Variants in PCDHA6 observed in about 807,000 individuals in gnomAD.
The protein encoded by PCDHA6 is protocadherin alpha 6.
In PCDHA6, 55 loss-of-function variants were observed where a neutral mutation model predicts 60.3. That is an observed-to-expected ratio of 0.91 (90% CI 0.73 to 1.14). The LOEUF (loss-of-function observed/expected upper bound fraction) is 1.14, where lower values mean the gene tolerates loss of function less well. Ranked by LOEUF, PCDHA6 falls within the 50% of genes most tolerant of loss-of-function variation. The pLI is 0.00. For synonymous variants in PCDHA6, 652 were observed against 557.9 expected, an observed-to-expected ratio of 1.17 and a Z score of -2.38; for missense variants, 1,327 against 1,256.5, an observed-to-expected ratio of 1.06 and a Z score of -0.85.
At chr5:140,963,159 C>T (rs971538193) in intron 1 of PCDHA6, among the ~76,000 whole-genome samples, 14 of 151,752 alleles carry the variant, frequency 9.2e-5, no homozygotes, top group Non-Finnish European at 1.9e-4. Flanking sequence ...AAAAATGACA[C>T]ATGCCATCTT....
intron 3 of PCDHA6, among the ~76,000 whole-genome samples, chr5:141,009,383 C>T (rs2098407441): frequency 6.6e-6 from 1 of 152,198 alleles, no homozygotes; most frequent in African/African-American, 2.4e-5. Flanking sequence ...TGATTGAGCA[C>T]AGGAGGTCGA....
intron 1 of PCDHA6, chr5:140,928,484 G>A (rs1371678688): frequency 1.5e-5 from 25 of 1,614,026 alleles, no homozygotes; most frequent in African/African-American, 4.0e-5. Context: ...CGGGATGGTG[G>A]CATTCCTCCC....
chr5:140,892,087 T>G (rs2063378040), intron 1 of PCDHA6, among the ~76,000 whole-genome samples: 1 of 152,226 alleles, frequency 6.6e-6, no homozygotes, highest in East Asian at 1.9e-4. Context: ...TAGTTTCCTC[T>G]CGAAACTTTC....
At chr5:140,861,509 G>T in intron 1 of PCDHA6, 1 of 479,910 alleles carries the variant, frequency 2.1e-6, no homozygotes, top group Non-Finnish European at 4.3e-6. Context: ...ACCTCGAGGA[G>T]CTGTGTGGGA....
intron 1 of PCDHA6, chr5:140,863,121 G>C (rs1554157790): frequency 1.7e-6 from 1 of 592,122 alleles, no homozygotes; most frequent in South Asian, 1.4e-5. Flanking sequence ...CGAAAGCTAC[G>C]CGCCACCGCC....
At position 140,993,463 on chromosome 5, in the gene PCDHA6, CA is replaced by C. The variant is rs1563591979; in HGVS notation, c.2542+10901del. ...ATTCCTGTTCTCCTTCTTTCTTTCTCACACACACACACACACACACACACAC... is the reference window on the plus strand; with the variant it reads ...ATTCCTGTTCTCCTTCTTTCTTTCTCCACACACACACACACACACACACAC... On this transcript the variant is annotated intron_variant, in intron 3 of 3. Coordinates refer to ENST00000529310, the MANE Select transcript of PCDHA6 (RefSeq NM_018909.4). Among the ~76,000 whole-genome samples the C allele has an allele frequency of 9.6e-3, 73 of 7,582 alleles. 1 individual carries two copies. The highest frequency in any genetic ancestry group is 0.047 in the African/African-American group (71 of 1,514). 5.0% of individuals were successfully genotyped at this position (7,582 alleles called of 152,430 possible).
chr5:140,881,099 C>G (rs1554171750), intron 1 of PCDHA6, among the ~76,000 whole-genome samples: 1 of 152,108 alleles, frequency 6.6e-6, no homozygotes, highest in East Asian at 1.9e-4. Flanking sequence ...TTCATTACAC[C>G]ATTTGGCCTG....
At chr5:140,993,310 A>G (rs1013688133) in intron 3 of PCDHA6, among the ~76,000 whole-genome samples, 2 of 152,038 alleles carry the variant, frequency 1.3e-5, no homozygotes, top group African/African-American at 4.8e-5. Context: ...CTCCAGGATA[A>G]TACCTTCTAA....
At chr5:140,858,255 C>G in intron 1 of PCDHA6, 10 of 1,596,962 alleles carry the variant, frequency 6.3e-6, no homozygotes, top group Middle Eastern at 1.7e-4. Flanking sequence ...GTGAAGCCCA[C>G]GCTGGTGTGC....
intron 1 of PCDHA6, among the ~76,000 whole-genome samples, chr5:140,894,318 T>C (rs1403062288): frequency 1.3e-5 from 2 of 152,086 alleles, no homozygotes; most frequent in Non-Finnish European, 2.9e-5. Context: ...TCTTAAATTA[T>C]AGATTTTAGT....
intron 3 of PCDHA6, among the ~76,000 whole-genome samples, chr5:140,994,353 C>T (rs1321687113): frequency 6.6e-6 from 1 of 152,110 alleles, no homozygotes; most frequent in East Asian, 1.9e-4. Flanking sequence ...TGTGGGACCT[C>T]AGAAGATGGA....
intron 1 of PCDHA6, among the ~76,000 whole-genome samples, chr5:140,878,476 A>G (rs1037108551): frequency 6.6e-6 from 1 of 152,204 alleles, no homozygotes; most frequent in Admixed American, 6.5e-5. Flanking sequence ...TCATTTCTCA[A>G]TTTAAAAATA....
At chr5:140,836,425 G>T (rs2150260582) in intron 1 of PCDHA6, 4 of 1,613,790 alleles carry the variant, frequency 2.5e-6, no homozygotes, top group African/African-American at 1.3e-5. Context: ...GCGTCGTCGC[G>T]GGCATCGTTG....
chr5:140,967,684 G>A (rs1404001288), intron 1 of PCDHA6: 2 of 1,614,074 alleles, frequency 1.2e-6, no homozygotes, highest in Non-Finnish European at 8.5e-7. Context: ...GGGAGAGGCA[G>A]CTCTTCAGCA....
At chr5:140,871,204 A>G in intron 1 of PCDHA6, 1 of 1,613,764 alleles carries the variant, frequency 6.2e-7, no homozygotes, top group Non-Finnish European at 8.5e-7. Context: ...GTACCTGATC[A>G]TCGCCATCTG....
Position 140,869,089 on chromosome 5 carries a change from C to A in PCDHA6, c.2394+38604C>A, listed in dbSNP as rs141432478. On this transcript the variant is annotated intron_variant, in intron 1 of 3. Coordinates refer to ENST00000529310, the MANE Select transcript of PCDHA6 (RefSeq NM_018909.4). Reference sequence around the variant, plus strand: ...AGTGTAAAGAAGCTTATTTTGGAAGCCAATTTCGTATGCGATGTTTGGTTT... The same window carrying A: ...AGTGTAAAGAAGCTTATTTTGGAAGACAATTTCGTATGCGATGTTTGGTTT... 9.7e-5 allele frequency: 154 copies of A among 1,588,996 alleles called. No individual in the cohort carries two copies. The East Asian group carries it at 3.4e-3, about 35-fold the overall frequency.
intron 1 of PCDHA6, chr5:140,866,520 T>C (rs1294227332): frequency 6.6e-6 from 1 of 152,150 alleles, no homozygotes; most frequent in Non-Finnish European, 1.5e-5. Context: ...GACTAAGCCA[T>C]GATAGAGCAG....
At chr5:140,955,157 T>A (rs1554221797) in intron 1 of PCDHA6, among the ~76,000 whole-genome samples, 1 of 152,198 alleles carries the variant, frequency 6.6e-6, no homozygotes, top group Non-Finnish European at 1.5e-5. Context: ...ACCAGTACCG[T>A]GCTGTTTTGG....
In PCDHA6 at chr5:140,856,939, G is replaced by A. The variant is rs1554149308; in HGVS notation, c.2394+26454G>A. The stretch of plus-strand genomic sequence containing the variant: ...GAAGGAAATTTTGGATAAACGAAAG[G>A]ACGGGAGAAATAAAAGTAAATGATG... On this transcript the variant is annotated intron_variant, in intron 1 of 3. Coordinates refer to ENST00000529310, the MANE Select transcript of PCDHA6 (RefSeq NM_018909.4). 1.9e-6 allele frequency: 3 copies of A among 1,593,866 alleles called. No homozygotes were observed. The East Asian group carries it at 6.7e-5, about 36-fold the overall frequency.
Sources: allele counts gnomAD v4.1 joint callset (sites outside exome capture counted in the v4.1 genomes callset), GRCh38; gene constraint gnomAD v4.1.1; transcripts MANE v1.5; gene names NCBI Gene and HGNC (gene_info 2026-07-23, HGNC 2026-07-21).